The following JAK2 variants were observed in gnomAD, a reference collection of about 807,000 sequenced individuals.
The protein encoded by JAK2 is tyrosine-protein kinase JAK2.
In JAK2, 86 loss-of-function variants were observed where a neutral mutation model predicts 139.3. That is an observed-to-expected ratio of 0.62 (90% CI 0.52 to 0.74). JAK2 has a LOEUF of 0.74. Ranked by LOEUF, JAK2 falls within the 30% of genes least tolerant of loss-of-function variation. The pLI is 0.00. For missense variants in JAK2, 1,421 were observed against 1,360.3 expected (o/e 1.04, Z -0.70); for synonymous variants, 490 against 437.7 (o/e 1.12, Z -1.49).
intron 2 of JAK2, among the ~76,000 whole-genome samples, chr9:4,998,003 T>C (rs900009459): frequency 6.6e-6 from 1 of 152,210 alleles, no homozygotes; most frequent in African/African-American, 2.4e-5. Flanking sequence ...TCTTCTAGCA[T>C]GGCAGTATTT....
chr9:5,089,857 A>G lies in JAK2; in HGVS notation c.2755A>G (p.Ser919Gly), dbSNP rs773078489. 2.7e-6 allele frequency: 4 copies of G among 1,490,610 alleles called. No homozygotes were observed. The highest frequency in any genetic ancestry group is 3.6e-6 in the Non-Finnish European group (4 of 1,123,162). 92.3% of individuals were successfully genotyped at this position (1,490,610 alleles called of 1,614,324 possible). A position where few individuals can be genotyped will look rare whatever the true frequency, so the allele number is the denominator to read the frequency against. ...NIVKYKGVCY[S>G]AGRRNLKLIM... ...TGTAAAGTACAAGGGAGTGTGCTAC[A>G]GTGCTGGTAAGCTGCCCATTGAAAC... Residue 919 changes from serine to glycine, a missense_variant, in exon 20 of 25, where the codon AGT becomes GGT. Physicochemically the swap from Ser to Gly is moderately conservative, Grantham distance 56. Coordinates refer to ENST00000381652, the MANE Select transcript of JAK2 (RefSeq NM_004972.4).
chr9:5,055,639 GT>G, intron 7 of JAK2, 29 bp from the exon 8 acceptor site: 1 of 1,499,478 alleles, frequency 6.7e-7, no homozygotes, highest in Non-Finnish European at 9.1e-7. Context: ...AATTCTACCC[GT>G]TTTTAATTTT....
intron 22 of JAK2, chr9:5,094,785 C>T (rs1820856555): frequency 6.6e-6 from 1 of 152,138 alleles, no homozygotes; most frequent in South Asian, 2.1e-4. Context: ...GCCCTGACTA[C>T]TACTATTTTT....
At chr9:5,105,149 T>C (rs554562134) in intron 22 of JAK2, among the ~76,000 whole-genome samples, 1 of 152,322 alleles carries the variant, frequency 6.6e-6, no homozygotes, top group African/African-American at 2.4e-5. Flanking sequence ...CGACTGTATA[T>C]TTAGAAAACT....
intron 11 of JAK2, among the ~76,000 whole-genome samples, chr9:5,069,670 C>G (rs1818813746): frequency 6.6e-6 from 1 of 151,880 alleles, no homozygotes; most frequent in Admixed American, 6.6e-5. Context: ...AATGAAATAA[C>G]TGGCAGGAAT....
At chr9:5,034,204 A>G (rs1490099648) in intron 4 of JAK2, among the ~76,000 whole-genome samples, 1 of 152,340 alleles carries the variant, frequency 6.6e-6, no homozygotes, top group East Asian at 1.9e-4. Context: ...TCCTAAATAT[A>G]TATGCACCCA....
At chr9:5,029,948 A>G in intron 4 of JAK2, 42 bp downstream of exon 4, 1 of 1,515,176 alleles carries the variant, frequency 6.6e-7, no homozygotes. Flanking sequence ...GCTAAAAGGC[A>G]AAATGGGAGA....
At chr9:5,024,997 G>T (rs899389698) in intron 3 of JAK2, among the ~76,000 whole-genome samples, 2 of 152,150 alleles carry the variant, frequency 1.3e-5, no homozygotes, top group Non-Finnish European at 2.9e-5. Flanking sequence ...GTAGTGGGTG[G>T]TTAAGGGAAA....
At chr9:5,086,851 A>T (rs1055961774) in intron 19 of JAK2, among the ~76,000 whole-genome samples, 3 of 152,200 alleles carry the variant, frequency 2.0e-5, no homozygotes, top group Admixed American at 1.3e-4. Flanking sequence ...AGAGCTTCTC[A>T]TAGAGCAGTT....
chr9:5,073,814 C>G (rs772206324), intron 14 of JAK2, 29 bp downstream of exon 14: 7 of 1,369,026 alleles, frequency 5.1e-6, no homozygotes, highest in Non-Finnish European at 6.2e-6. Flanking sequence ...TTTCTAATGC[C>G]TTTCTCAGAG....
chr9:5,016,920 C>T (rs192418363), intron 2 of JAK2, among the ~76,000 whole-genome samples: 4 of 152,250 alleles, frequency 2.6e-5, no homozygotes, highest in Non-Finnish European at 4.4e-5. Flanking sequence ...GGCATAGTAG[C>T]TGAGAATTTC....
chr9:5,068,941 TG>T, intron 10 of JAK2, 80 bp from the exon 11 acceptor site: 1 of 771,408 alleles, frequency 1.3e-6, no homozygotes, highest in Non-Finnish European at 2.1e-6. Context: ...TGCTTGTTCT[TG>T]TGATATCATT....
intron 10 of JAK2, among the ~76,000 whole-genome samples, chr9:5,067,378 G>A (rs1047084027): frequency 7.2e-5 from 11 of 152,090 alleles, no homozygotes; most frequent in South Asian, 2.1e-4. Flanking sequence ...TATCACTTAT[G>A]AGGCAATTTC....
chr9:5,121,969 AATAAC>A (rs1433916530), intron 22 of JAK2, among the ~76,000 whole-genome samples: 3 of 152,302 alleles, frequency 2.0e-5, no homozygotes, highest in East Asian at 1.9e-4. Flanking sequence ...TACATTTGAT[AATAAC>A]ATAACTAGAT....
At chr9:5,091,829 A>G (rs1318953565) in intron 22 of JAK2, among the ~76,000 whole-genome samples, 2 of 152,108 alleles carry the variant, frequency 1.3e-5, no homozygotes, top group Admixed American at 1.3e-4. Flanking sequence ...AATGTCTATA[A>G]TGGGTACTTT....
At chr9:5,080,772 C>T in intron 18 of JAK2, 89 bp downstream of exon 18, 1 of 1,018,308 alleles carries the variant, frequency 9.8e-7, no homozygotes, top group East Asian at 2.8e-5. Flanking sequence ...TCCTTTAAAA[C>T]ATTTTCTTGA....
intron 22 of JAK2, among the ~76,000 whole-genome samples, chr9:5,093,541 T>TTAATTCA (rs1187642940): frequency 6.6e-6 from 1 of 152,186 alleles, no homozygotes; most frequent in Non-Finnish European, 1.5e-5. Flanking sequence ...CCATGGCACT[T>TTAATTCA]TAATTCATTA....
chr9:5,121,087 T>C (rs935483928), intron 22 of JAK2, among the ~76,000 whole-genome samples: 2 of 152,164 alleles, frequency 1.3e-5, no homozygotes, highest in Non-Finnish European at 2.9e-5. Flanking sequence ...CTGGGAAACC[T>C]TCAATTTAGA....
intron 8 of JAK2, among the ~76,000 whole-genome samples, chr9:5,063,653 A>T (rs1818342005): frequency 6.6e-6 from 1 of 152,182 alleles, no homozygotes; most frequent in Non-Finnish European, 1.5e-5. Flanking sequence ...TTTTCCTACC[A>T]TGGTTAATCT....
Sources: gnomAD v4.1 joint callset for allele counts (sites outside exome capture counted in the v4.1 genomes callset) on GRCh38, gnomAD v4.1.1 for gene constraint, MANE v1.5 for transcripts, NCBI Gene and HGNC (gene_info 2026-07-23, HGNC 2026-07-21) for gene names.